Variants in MDGA2 observed in about 807,000 individuals in gnomAD.
MDGA2 encodes the protein MAM domain containing glycosylphosphatidylinositol anchor 2, also known as MAM domain-containing glycosylphosphatidylinositol anchor protein 2.
In MDGA2, 40 loss-of-function variants were observed where a neutral mutation model predicts 117.8. That is an observed-to-expected ratio of 0.34 (90% CI 0.26 to 0.44). The LOEUF (loss-of-function observed/expected upper bound fraction) is 0.44, where lower values mean the gene tolerates loss of function less well. MDGA2 is among the 20% of genes least tolerant of loss of function. MDGA2 has a pLI of 1.00. For missense variants in MDGA2, 1,123 were observed against 1,250.6 expected, an observed-to-expected ratio of 0.90 and a Z score of 1.54; for synonymous variants, 452 against 439.0, an observed-to-expected ratio of 1.03 and a Z score of -0.37.
rs36059038 is a variant in MDGA2, at chr14:47,221,687, C to CAAA, written c.421-3495_421-3493dup. 3.7e-3 allele frequency among the ~76,000 whole-genome samples: 462 copies of CAAA among 124,074 alleles called. 4 individuals carry two copies. Among genetic ancestry groups the CAAA allele is most frequent in the Non-Finnish European group, 6.0e-3 (366 of 60,712 alleles). 81.4% of individuals were successfully genotyped at this position (124,074 alleles called of 152,430 possible). On this transcript the variant is annotated intron_variant, in intron 2 of 16. Coordinates refer to ENST00000399232, the MANE Select transcript of MDGA2 (RefSeq NM_001113498.3). Reference sequence around the variant, plus strand: ...GGGGTGACAGAGCGAGACTCTATCTCAAAAAAAAAAAAAAAAGAGATTACG... The same window carrying CAAA: ...GGGGTGACAGAGCGAGACTCTATCTCAAAAAAAAAAAAAAAAAAAGAGATTACG...
chr14:47,561,170 TG>T (rs1433338986), intron 1 of MDGA2, among the ~76,000 whole-genome samples: 4,606 of 98,428 alleles, frequency 0.047, 531 homozygotes, highest in Non-Finnish European at 0.06. Context: ...TTTGTTTTTT[TG>T]TTTGTTTGTT....
At position 47,627,900 on chromosome 14, in the gene MDGA2, T is replaced by A. The variant is rs762155836; in HGVS notation, c.280+46617A>T. 1.1e-4 allele frequency among the ~76,000 whole-genome samples: 17 copies of A among 152,082 alleles called. 1 individual carries two copies. The highest frequency in any genetic ancestry group is 8.5e-4 in the Admixed American group (13 of 15,276). On this transcript the variant is annotated intron_variant, in intron 1 of 16. Transcript: ENST00000399232. ...CACGAACCCACCAGAAGGAAGAAAC[T>A]CCGCACACATCCGAACATCAGAAGG...
intron 9 of MDGA2, among the ~76,000 whole-genome samples, chr14:46,952,966 G>A (rs1347788220): frequency 6.6e-6 from 1 of 151,738 alleles, no homozygotes; most frequent in Non-Finnish European, 1.5e-5. Flanking sequence ...AGGTTTTCTA[G>A]GAAAATAAAG....
chr14:47,595,786 T>C (rs182479735), intron 1 of MDGA2, among the ~76,000 whole-genome samples: 1 of 152,228 alleles, frequency 6.6e-6, no homozygotes, highest in East Asian at 1.9e-4. Flanking sequence ...TAGTGACATA[T>C]AGTGATCTCT....
chr14:47,237,930 A>T (rs1886917267), intron 2 of MDGA2, among the ~76,000 whole-genome samples: 1 of 152,056 alleles, frequency 6.6e-6, no homozygotes, highest in African/African-American at 2.4e-5. Flanking sequence ...AACTGCTTAA[A>T]TCCTCTTTTG....
At position 47,301,281 on chromosome 14, in the gene MDGA2, A is replaced by C. The variant is rs1293912016; in HGVS notation, c.420+130T>G. On this transcript the variant is annotated intron_variant, in intron 2 of 16. Coordinates refer to ENST00000399232, the MANE Select transcript of MDGA2 (RefSeq NM_001113498.3). ...ACTTGCACTTGAGTTACACACACAC[A>C]CACCCACACCCACCCACACACACAC... 31 of 874,962 alleles carry C rather than the reference A, an allele frequency of 3.5e-5. No individual in the cohort carries two copies. In the East Asian group the frequency reaches 7.4e-4, roughly 21 times the overall value. 54.2% of individuals were successfully genotyped at this position (874,962 alleles called of 1,614,324 possible).
At chr14:47,671,185 T>C (rs1406025168) in intron 1 of MDGA2, among the ~76,000 whole-genome samples, 1 of 152,176 alleles carries the variant, frequency 6.6e-6, no homozygotes, top group Non-Finnish European at 1.5e-5. Flanking sequence ...TGTGACACCA[T>C]ATATAAATCT....
chr14:47,518,333 T>C (rs1894796935), intron 1 of MDGA2, among the ~76,000 whole-genome samples: 1 of 152,176 alleles, frequency 6.6e-6, no homozygotes, highest in Non-Finnish European at 1.5e-5. Flanking sequence ...AATAATGCAA[T>C]TTTAAAAATA....
intron 5 of MDGA2, among the ~76,000 whole-genome samples, chr14:47,121,427 C>T (rs752463761): frequency 1.2e-4 from 18 of 151,908 alleles, no homozygotes; most frequent in Non-Finnish European, 2.4e-4. Flanking sequence ...TTTATATTTA[C>T]TTATTTTGCC....
chr14:47,145,402 C>T (rs1378211607), intron 3 of MDGA2, among the ~76,000 whole-genome samples: 1 of 152,172 alleles, frequency 6.6e-6, no homozygotes, highest in Admixed American at 6.5e-5. Flanking sequence ...CACTCCTCAA[C>T]CAGCTTTGGC....
chr14:47,621,981 G>A (rs756282495), intron 1 of MDGA2, among the ~76,000 whole-genome samples: 4 of 152,198 alleles, frequency 2.6e-5, no homozygotes, highest in Non-Finnish European at 5.9e-5. Flanking sequence ...ATGATTAAAT[G>A]AGATAATGGG....
intron 1 of MDGA2, among the ~76,000 whole-genome samples, chr14:47,597,357 G>A (rs1375181770): frequency 6.6e-6 from 1 of 151,974 alleles, no homozygotes. Flanking sequence ...CAGTAAAACT[G>A]AAGTCAATTG....
At chr14:47,485,035 A>T (rs2138641814) in intron 1 of MDGA2, among the ~76,000 whole-genome samples, 1 of 152,282 alleles carries the variant, frequency 6.6e-6, no homozygotes. Context: ...TGCTGAAAAG[A>T]CATCCAAAAA....
intron 1 of MDGA2, among the ~76,000 whole-genome samples, chr14:47,555,892 C>T (rs1895673048): frequency 6.6e-6 from 1 of 152,286 alleles, no homozygotes; most frequent in South Asian, 2.1e-4. Context: ...AAAGCTCCTC[C>T]ATCCCCCTAG....
At chr14:46,882,002 T>C (rs1359576982) in intron 11 of MDGA2, 42 bp downstream of exon 11, 1 of 1,373,138 alleles carries the variant, frequency 7.3e-7, no homozygotes, top group Non-Finnish European at 9.5e-7. Flanking sequence ...TTCCATATAG[T>C]TAAATATATA....
intron 16 of MDGA2, among the ~76,000 whole-genome samples, chr14:46,844,415 A>G (rs1168629153): frequency 3.9e-5 from 6 of 152,046 alleles, no homozygotes; most frequent in African/African-American, 1.2e-4. Flanking sequence ...CCGCGTCTCT[A>G]CTAAAAATAC....
chr14:46,879,576 T>C (rs961548270), intron 11 of MDGA2, among the ~76,000 whole-genome samples: 1 of 152,176 alleles, frequency 6.6e-6, no homozygotes, highest in Non-Finnish European at 1.5e-5. Flanking sequence ...TTTTTCATTT[T>C]AGTTTGTTGC....
chr14:47,130,673 C>A (rs144380498), intron 5 of MDGA2, among the ~76,000 whole-genome samples: 6 of 152,058 alleles, frequency 3.9e-5, no homozygotes, highest in Non-Finnish European at 8.8e-5. Flanking sequence ...GTTTCACATG[C>A]TTTATACGTA....
chr14:47,300,726 T>C (rs1163819723), intron 2 of MDGA2, among the ~76,000 whole-genome samples: 1 of 152,002 alleles, frequency 6.6e-6, no homozygotes, highest in African/African-American at 2.4e-5. Flanking sequence ...CGCCAACTTC[T>C]GGCCTCAAAT....
Sources: allele counts gnomAD v4.1 joint callset (sites outside exome capture counted in the v4.1 genomes callset), GRCh38; gene constraint gnomAD v4.1.1; transcripts MANE v1.5; gene names NCBI Gene and HGNC (gene_info 2026-07-23, HGNC 2026-07-21).